The following TRIO variants were observed in gnomAD, a reference collection of about 807,000 sequenced individuals.
The protein encoded by TRIO is trio Rho guanine nucleotide exchange factor, also known as triple functional domain protein.
TRIO carries 58 observed loss-of-function variants against 351.9 expected under a neutral mutation model. That is an observed-to-expected ratio of 0.16 (90% CI 0.13 to 0.21). TRIO has a LOEUF of 0.21. Among genes scored for constraint, TRIO ranks in the 10% least tolerant of loss-of-function variants. The probability of loss-of-function intolerance (pLI) is 1.00; values close to 1 mark genes in which losing one functional copy is unlikely to be tolerated. For missense variants in TRIO, 3,201 were observed against 4,027.8 expected (o/e 0.79, Z 5.56); for synonymous variants, 1,758 against 1,595.7 (o/e 1.10, Z -2.42).
intron 1 of TRIO, among the ~76,000 whole-genome samples, chr5:14,154,952 TGG>T (rs1269997927): frequency 1.3e-5 from 2 of 152,238 alleles, no homozygotes; most frequent in African/African-American, 4.8e-5. Flanking sequence ...TTTAAGACCC[TGG>T]GTTGCTTTTG....
At chr5:14,216,267 TTTCTCTTAGGTAGTTTA>T (rs1792215825) in intron 1 of TRIO, among the ~76,000 whole-genome samples, 1 of 152,232 alleles carries the variant, frequency 6.6e-6, no homozygotes, top group African/African-American at 2.4e-5. Flanking sequence ...CAGATTCTGT[TTTCTCTTAGGTAGTTTA>T]TGAATGGGTT....
chr5:14,407,699 T>C (rs1403939897), intron 33 of TRIO, among the ~76,000 whole-genome samples: 3 of 152,226 alleles, frequency 2.0e-5, no homozygotes, highest in Non-Finnish European at 4.4e-5. Flanking sequence ...AGGTGTATCT[T>C]CTTCAGAAGC....
intron 33 of TRIO, among the ~76,000 whole-genome samples, chr5:14,417,974 C>A (rs140641412): frequency 4.6e-5 from 7 of 152,140 alleles, no homozygotes; most frequent in South Asian, 2.1e-4. Context: ...TGTGCCCAGC[C>A]CCATCTCCGC....
At chr5:14,298,612 A>AT (rs1737574739) in intron 7 of TRIO, among the ~76,000 whole-genome samples, 1 of 152,206 alleles carries the variant, frequency 6.6e-6, no homozygotes, top group African/African-American at 2.4e-5. Flanking sequence ...CTTGCCTAGG[A>AT]TTTTGGCAGG....
chr5:14,506,706 A>C (rs1757711748), intron 55 of TRIO, among the ~76,000 whole-genome samples: 1 of 152,138 alleles, frequency 6.6e-6, no homozygotes, highest in Non-Finnish European at 1.5e-5. Flanking sequence ...GCCTGTGGTT[A>C]CATGATCTCG....
At chr5:14,477,031 T>A in intron 41 of TRIO, 68 bp downstream of exon 41, 1 of 1,409,354 alleles carries the variant, frequency 7.1e-7, no homozygotes, top group Non-Finnish European at 9.9e-7. Context: ...TTTGTCAGAT[T>A]AAAGGAGAAC....
chr5:14,365,300 C>G (rs374805803), intron 15 of TRIO, among the ~76,000 whole-genome samples: 1 of 152,136 alleles, frequency 6.6e-6, no homozygotes, highest in Non-Finnish European at 1.5e-5. Flanking sequence ...TGGCTCAGTG[C>G]CAGTGGGATT....
intron 1 of TRIO, among the ~76,000 whole-genome samples, chr5:14,194,910 T>C (rs886638531): frequency 2.6e-5 from 4 of 152,252 alleles, no homozygotes; most frequent in Non-Finnish European, 5.9e-5. Flanking sequence ...TATACCCTTC[T>C]TTCTGTATTT....
intron 52 of TRIO, 23 bp downstream of exon 52, chr5:14,498,274 G>C (rs1757031206): frequency 6.2e-7 from 1 of 1,606,818 alleles, no homozygotes; most frequent in Non-Finnish European, 8.5e-7. Context: ...CACTCCTGGT[G>C]GGTTTCGCTG....
intron 20 of TRIO, among the ~76,000 whole-genome samples, chr5:14,380,525 C>T (rs1746008611): frequency 7.2e-6 from 1 of 139,390 alleles, no homozygotes; most frequent in African/African-American, 2.6e-5. Context: ...CACTCTAGTC[C>T]CTTCCTGAAA....
intron 34 of TRIO, among the ~76,000 whole-genome samples, chr5:14,426,492 A>G (rs774109847): frequency 2.0e-5 from 3 of 152,240 alleles, no homozygotes; most frequent in Non-Finnish European, 2.9e-5. Flanking sequence ...AAGTCCAGTT[A>G]GATGAACTCC....
At chr5:14,336,432 C>A (rs1741425886) in intron 10 of TRIO, 104 bp from the exon 11 acceptor site, 5 of 1,228,218 alleles carry the variant, frequency 4.1e-6, no homozygotes, top group African/African-American at 1.5e-5. Context: ...TGTAAGTGAT[C>A]AAAAATATCA....
intron 1 of TRIO, among the ~76,000 whole-genome samples, chr5:14,173,937 A>T (rs577321823): frequency 9.3e-4 from 141 of 152,366 alleles, no homozygotes; most frequent in Non-Finnish European, 1.5e-3. Flanking sequence ...TTCTCTTGAA[A>T]TACCCAGTAG....
intron 33 of TRIO, among the ~76,000 whole-genome samples, chr5:14,408,083 G>A (rs1268570168): frequency 6.6e-6 from 1 of 152,204 alleles, no homozygotes; most frequent in Non-Finnish European, 1.5e-5. Context: ...CCACTCATTG[G>A]TAGGAAGGAA....
chr5:14,371,410 C>T (rs1182797104), intron 18 of TRIO, among the ~76,000 whole-genome samples: 1 of 152,096 alleles, frequency 6.6e-6, no homozygotes, highest in Non-Finnish European at 1.5e-5. Context: ...GGATTCTCCT[C>T]CTATTTTACT....
At chr5:14,428,448 T>C (rs569258081) in intron 34 of TRIO, among the ~76,000 whole-genome samples, 1 of 152,318 alleles carries the variant, frequency 6.6e-6, no homozygotes, top group African/African-American at 2.4e-5. Flanking sequence ...CTAATGTCAA[T>C]TCCTGTGGGA....
In TRIO at chr5:14,175,311, G is replaced by A. The variant is rs1004336621; in HGVS notation, c.157+31429G>A. On this transcript the variant is annotated intron_variant, in intron 1 of 56. Coordinates refer to ENST00000344204, the MANE Select transcript of TRIO (RefSeq NM_007118.4). ...TTACATAGCACATATACATGTGCAGGATTCAAATGCTTTCTAAAAGGCGTT... is the reference window on the plus strand; with the variant it reads ...TTACATAGCACATATACATGTGCAGAATTCAAATGCTTTCTAAAAGGCGTT... 3.9e-5 allele frequency among the ~76,000 whole-genome samples: 6 copies of A among 152,200 alleles called. No homozygotes were observed. The East Asian group carries it at 9.6e-4, about 24-fold the overall frequency.
intron 21 of TRIO, among the ~76,000 whole-genome samples, chr5:14,386,250 G>A (rs780601217): frequency 2.0e-5 from 3 of 152,148 alleles, no homozygotes; most frequent in Non-Finnish European, 2.9e-5. Context: ...GAGCACCAGT[G>A]CAGAGGCCCC....
At chr5:14,168,042 A>C (rs1467377577) in intron 1 of TRIO, among the ~76,000 whole-genome samples, 1 of 152,240 alleles carries the variant, frequency 6.6e-6, no homozygotes, top group Non-Finnish European at 1.5e-5. Context: ...AGTTCTTCAC[A>C]TGTGTCTGAA....
Sources: allele counts gnomAD v4.1 joint callset (sites outside exome capture counted in the v4.1 genomes callset), GRCh38; gene constraint gnomAD v4.1.1; transcripts MANE v1.5; gene names NCBI Gene and HGNC (gene_info 2026-07-23, HGNC 2026-07-21).